The following GPLD1 variants were observed in gnomAD, a reference collection of about 807,000 sequenced individuals.
The protein encoded by GPLD1 is phosphatidylinositol-glycan-specific phospholipase D.
Under a neutral mutation model 112.6 loss-of-function variants are expected in GPLD1, and 84 were observed. The observed-to-expected ratio is 0.75, with a 90% CI of 0.63 to 0.89. The LOEUF is 0.89. GPLD1 is among the 40% of genes least tolerant of loss of function. The pLI, the probability that GPLD1 is intolerant of heterozygous loss-of-function variation, is 0.00. For synonymous variants in GPLD1, 386 were observed against 403.8 expected, an observed-to-expected ratio of 0.96 and a Z score of 0.53; for missense variants, 1,044 against 1,051.5, an observed-to-expected ratio of 0.99 and a Z score of 0.10.
chr6:24,475,554 C>CA (rs1381206042), intron 4 of GPLD1, among the ~76,000 whole-genome samples: 2 of 134,632 alleles, frequency 1.5e-5, no homozygotes, highest in African/African-American at 5.6e-5. Context: ...AAAAAAAAAA[C>CA]CACACACAGG....
chr6:24,435,836 A>AAAAAAAAAATAAAAAAAAAAAAAT (rs1762559893), intron 22 of GPLD1: 1 of 146,528 alleles, frequency 6.8e-6, no homozygotes, highest in Non-Finnish European at 1.5e-5. Flanking sequence ...AAAAAAAAAA[A>AAAAAAAAAATAAAAAAAAAAAAAT]AAAAAAAAAA....
intron 7 of GPLD1, among the ~76,000 whole-genome samples, chr6:24,469,101 T>G (rs1035440145): frequency 2.5e-4 from 38 of 152,320 alleles, no homozygotes; most frequent in Middle Eastern, 3.4e-3. Context: ...ATCTTTTAAT[T>G]TAAAAATCCT....
chr6:24,436,572 T>C lies in GPLD1; in HGVS notation c.2358+4A>G, dbSNP rs1364617824. The stretch of plus-strand genomic sequence containing the variant: ...TAAGTTATAGAATTTTGTAGAACAC[T>C]TACCTTTTCTTCTGGACATGGAGTT... On this transcript the variant is annotated splice_donor_region_variant and intron_variant, in intron 22 of 24. Coordinates refer to ENST00000230036, the MANE Select transcript of GPLD1 (RefSeq NM_001503.4). 6.2e-7 allele frequency: 1 copy of C among 1,612,538 alleles called. No individual in the cohort carries two copies. Among genetic ancestry groups the C allele is most frequent in the Admixed American group, 1.7e-5 (1 of 59,986 alleles).
rs1062498 is a variant in GPLD1, at chr6:24,456,553, C to T, written c.1093G>A (p.Val365Ile). ...IGGSQLSQKHVSSPLASYFLS... is the reference protein window; with the variant it reads ...IGGSQLSQKHISSPLASYFLS... Reference sequence around the variant, plus strand: ...AAGTAAGATGCTAAGGGGCTGGAGACGTGCTTTTGTGACAACTGAGAGCCA... The same window carrying T: ...AAGTAAGATGCTAAGGGGCTGGAGATGTGCTTTTGTGACAACTGAGAGCCA... Residue 365 changes from valine to isoleucine, a missense_variant, in exon 13 of 25, where the codon GTC becomes ATC. Transcript: ENST00000230036. The T allele has an allele frequency of 8.7e-6, 14 of 1,609,668 alleles. No homozygotes were observed. Among genetic ancestry groups the T allele is most frequent in the Middle Eastern group, 1.6e-4 (1 of 6,082 alleles).
At chr6:24,437,469 C>A (rs1053446625) in intron 20 of GPLD1, among the ~76,000 whole-genome samples, 180 bp from the exon 21 acceptor site, 3 of 152,202 alleles carry the variant, frequency 2.0e-5, no homozygotes, top group Non-Finnish European at 4.4e-5. Context: ...GGCACAAACA[C>A]CAGAGAGCTT....
intron 1 of GPLD1, among the ~76,000 whole-genome samples, 159 bp from the exon 2 acceptor site, chr6:24,486,289 T>A (rs878978174): frequency 6.6e-6 from 1 of 152,232 alleles, no homozygotes; most frequent in South Asian, 2.1e-4. Context: ...TTTCATTAGG[T>A]ATAGGCTTGT....
chr6:24,462,292 C>T (rs1023852424), intron 11 of GPLD1, among the ~76,000 whole-genome samples: 3 of 152,052 alleles, frequency 2.0e-5, no homozygotes, highest in Non-Finnish European at 2.9e-5. Context: ...ACCACCATAC[C>T]TGGCTAATTT....
chr6:24,474,147 AC>A (rs1308640322), intron 5 of GPLD1, among the ~76,000 whole-genome samples: 3 of 125,156 alleles, frequency 2.4e-5, no homozygotes, highest in East Asian at 2.0e-4. Context: ...AAACAAAAAA[AC>A]AACAACAAAA....
intron 2 of GPLD1, among the ~76,000 whole-genome samples, chr6:24,485,077 G>A (rs570832037): frequency 6.6e-6 from 1 of 152,308 alleles, no homozygotes; most frequent in East Asian, 1.9e-4. Flanking sequence ...GTCCTACCAG[G>A]ATATGGAATA....
At chr6:24,479,584 C>G (rs539052791) in intron 3 of GPLD1, among the ~76,000 whole-genome samples, 1 of 152,222 alleles carries the variant, frequency 6.6e-6, no homozygotes, top group East Asian at 1.9e-4. Context: ...AAACTCAGAC[C>G]TTTTGATCTC....
intron 18 of GPLD1, 70 bp downstream of exon 18, chr6:24,446,768 T>C: frequency 5.5e-6 from 8 of 1,467,814 alleles, no homozygotes; most frequent in Non-Finnish European, 7.4e-6. Context: ...AGCCTCATGC[T>C]CAGTGCGCTC....
Position 24,447,031 on chromosome 6 carries a change from T to C in GPLD1, c.1679-52A>G, listed in dbSNP as rs1052161106. On this transcript the variant is annotated intron_variant, in intron 17 of 24. Coordinates refer to ENST00000230036, the MANE Select transcript of GPLD1 (RefSeq NM_001503.4). ...CTAATACTTTAAGTGAGAGGACTAC[T>C]GGGATGAAAAGAAAGGGTCCTTCTC... 13 of 1,531,872 alleles carry C rather than the reference T, an allele frequency of 8.5e-6. No homozygotes were observed. In the African/African-American group the frequency reaches 1.2e-4, roughly 15 times the overall value. The allele number at this position is 1,531,872 out of a possible 1,614,324, so 94.9% of individuals were successfully genotyped here.
In GPLD1 at chr6:24,449,916, T is replaced by C. The variant is rs1275845980; in HGVS notation, c.1336-17A>G. 6.4e-7 allele frequency: 1 copy of C among 1,573,988 alleles called. No homozygotes were observed. The highest frequency in any genetic ancestry group is 1.4e-5 in the African/African-American group (1 of 71,358). ...ACCTGAGGGCTGAAGAGGCACAAGT[T>C]TACTTCCCCTGGGCTGAGCCACGGC... On this transcript the variant is annotated splice_polypyrimidine_tract_variant and intron_variant, in intron 14 of 24. Coordinates refer to ENST00000230036, the MANE Select transcript of GPLD1 (RefSeq NM_001503.4).
intron 24 of GPLD1, among the ~76,000 whole-genome samples, chr6:24,430,385 A>T (rs1267227254): frequency 6.6e-6 from 1 of 152,160 alleles, no homozygotes; most frequent in Admixed American, 6.5e-5. Context: ...TGGTCATCAT[A>T]CACCAAACTG....
chr6:24,489,603 C>A, upstream of GPLD1: 4 of 1,579,520 alleles, frequency 2.5e-6, no homozygotes, highest in South Asian at 3.5e-5. Context: ...AGACCCACCG[C>A]TTCTCTCTAA....
At chr6:24,434,837 C>CAAAAAAAAAAAAAAAA (rs747085341) in intron 22 of GPLD1, among the ~76,000 whole-genome samples, 9 of 65,458 alleles carry the variant, frequency 1.4e-4, no homozygotes, top group African/African-American at 3.6e-4. Context: ...GACTCCGTCT[C>CAAAAAAAAAAAAAAAA]AAAAAAAAAA....
intron 3 of GPLD1, among the ~76,000 whole-genome samples, chr6:24,477,885 G>C (rs778787345): frequency 6.6e-6 from 1 of 152,230 alleles, no homozygotes; most frequent in Non-Finnish European, 1.5e-5. Context: ...ATGAGACAAG[G>C]TAAAATGTGG....
At chr6:24,495,229 T>C, upstream of GPLD1, 1 of 1,521,550 alleles carries the variant, frequency 6.6e-7, no homozygotes, top group Non-Finnish European at 8.8e-7. Flanking sequence ...ACCTTCCCCG[T>C]GCAAGACCCG....
At chr6:24,489,128 C>T (rs542193766) in intron 1 of GPLD1, among the ~76,000 whole-genome samples, 1 of 152,222 alleles carries the variant, frequency 6.6e-6, no homozygotes, top group African/African-American at 2.4e-5. Context: ...TGCAACCTCT[C>T]GTTCACTGAG....
Sources: gnomAD v4.1 joint callset for allele counts (sites outside exome capture counted in the v4.1 genomes callset) on GRCh38, gnomAD v4.1.1 for gene constraint, MANE v1.5 for transcripts, NCBI Gene and HGNC (gene_info 2026-07-23, HGNC 2026-07-21) for gene names.